The following CCDC7 variants were observed in gnomAD, a reference collection of about 807,000 sequenced individuals.
The protein encoded by CCDC7 is coiled-coil domain containing 7.
In CCDC7, 183 loss-of-function variants were observed where a neutral mutation model predicts 196.9. The ratio of observed to expected loss-of-function variants is 0.93; its 90% confidence interval spans 0.82 to 1.05. The LOEUF is 1.05. Among genes scored for constraint, CCDC7 ranks in the 50% least tolerant of loss-of-function variants. The probability of loss-of-function intolerance (pLI) is 0.00; values close to 1 mark genes in which losing one functional copy is unlikely to be tolerated. For missense variants in CCDC7, 1,540 were observed against 1,482.2 expected, an observed-to-expected ratio of 1.04 and a Z score of -0.64; for synonymous variants, 525 against 484.6, an observed-to-expected ratio of 1.08 and a Z score of -1.10.
At position 32,628,466 on chromosome 10, in the gene CCDC7, T is replaced by C. The variant is rs140160892; in HGVS notation, c.1802-5788T>C. 2.5e-3 allele frequency among the ~76,000 whole-genome samples: 373 copies of C among 152,088 alleles called. 1 individual carries two copies. Among genetic ancestry groups the C allele is most frequent in the African/African-American group, 7.6e-3 (315 of 41,564 alleles). ...TTCAAAGAATCAAGTCTTAGTTTCA[T>C]TGTTCTTTTGTATTGATTTTTAGTC... On this transcript the variant is annotated intron_variant, in intron 18 of 41. Coordinates refer to ENST00000639629, the Ensembl canonical transcript of CCDC7.
At chr10:32,774,859 T>C (rs1308198158) in intron 28 of CCDC7, among the ~76,000 whole-genome samples, 4 of 152,184 alleles carry the variant, frequency 2.6e-5, no homozygotes, top group African/African-American at 4.8e-5. Flanking sequence ...GGTAGATTGA[T>C]GGAGGATGAG....
intron 28 of CCDC7, among the ~76,000 whole-genome samples, chr10:32,737,340 C>G (rs2085032377): frequency 6.6e-6 from 1 of 151,960 alleles, no homozygotes; most frequent in Non-Finnish European, 1.5e-5. Flanking sequence ...CCTTTATCTA[C>G]TTTTGGTATT....
At chr10:32,512,714 C>T (rs911284249) in intron 9 of CCDC7, 1 of 151,942 alleles carries the variant, frequency 6.6e-6, no homozygotes, top group African/African-American at 2.4e-5. Context: ...TGTGCTCATA[C>T]AGTAGAAAAA....
rs531304920 is a variant in CCDC7 at position 32,742,726 on chromosome 10, G to T, written c.2905+13269G>T. Among the ~76,000 whole-genome samples, 18 of 152,214 alleles carry T rather than the reference G, an allele frequency of 1.2e-4. No individual in the cohort carries two copies. The South Asian group carries it at 3.7e-3, about 32-fold the overall frequency. Reference sequence around the variant, plus strand: ...ATCAATGTGCTGACTGGTGAAGAAGGGCTCTCCTTAGTTGTAGATAGCCAC... The same window carrying T: ...ATCAATGTGCTGACTGGTGAAGAAGTGCTCTCCTTAGTTGTAGATAGCCAC... On this transcript the variant is annotated intron_variant, in intron 28 of 41. Coordinates refer to ENST00000639629, the Ensembl canonical transcript of CCDC7.
intron 18 of CCDC7, among the ~76,000 whole-genome samples, chr10:32,596,206 A>G (rs1428051148): frequency 6.6e-6 from 1 of 152,102 alleles, no homozygotes; most frequent in Non-Finnish European, 1.5e-5. Flanking sequence ...TGCTTTATGA[A>G]TCTGGGTGCT....
chr10:32,532,034 A>G (rs1020736383), intron 11 of CCDC7, among the ~76,000 whole-genome samples: 1 of 151,902 alleles, frequency 6.6e-6, no homozygotes, highest in African/African-American at 2.4e-5. Context: ...TCTCAATATC[A>G]TGTATTTCTG....
intron 18 of CCDC7, among the ~76,000 whole-genome samples, chr10:32,607,387 G>A (rs373910419): frequency 2.6e-5 from 4 of 152,190 alleles, no homozygotes; most frequent in East Asian, 1.9e-4. Flanking sequence ...TTGTGAAAGT[G>A]GGCATCGTTG....
rs181556325 is a variant in CCDC7 at position 32,535,756 on chromosome 10, G to A, written c.994-7544G>A. Among the ~76,000 whole-genome samples the A allele has an allele frequency of 4.5e-3, 689 of 152,308 alleles. 8 individuals carry two copies. The highest frequency in any genetic ancestry group is 4.5e-3 in the Non-Finnish European group (307 of 68,026). ...TCTCAGCTAATCTCTTCAAGGTTGG[G>A]AGGAAAGGGGAAAGATATTACGTTA... is the stretch of plus-strand genomic sequence containing the variant. On this transcript the variant is annotated intron_variant, in intron 11 of 41. Transcript: ENST00000639629.
At chr10:32,444,850 G>GTTTTTTT (rs59116319), upstream of CCDC7, among the ~76,000 whole-genome samples, 4 of 140,274 alleles carry the variant, frequency 2.9e-5, no homozygotes, top group Non-Finnish European at 4.7e-5. Flanking sequence ...ATGCCTTCAT[G>GTTTTTTT]TTTTTTTTTT....
At chr10:32,607,549 A>G (rs1421553839) in intron 18 of CCDC7, among the ~76,000 whole-genome samples, 1 of 152,144 alleles carries the variant, frequency 6.6e-6, no homozygotes, top group Non-Finnish European at 1.5e-5. Context: ...ACAATGTTAA[A>G]TTTTATCAAG....
At chr10:32,718,728 A>G (rs1282301627) in intron 25 of CCDC7, among the ~76,000 whole-genome samples, 1 of 152,164 alleles carries the variant, frequency 6.6e-6, no homozygotes, top group Non-Finnish European at 1.5e-5. Flanking sequence ...ATACACCAAT[A>G]ATAGACAAAC....
intron 9 of CCDC7, among the ~76,000 whole-genome samples, chr10:32,507,559 T>A (rs1038430087): frequency 6.6e-6 from 1 of 152,170 alleles, no homozygotes; most frequent in Non-Finnish European, 1.5e-5. Flanking sequence ...CAAGCAATTC[T>A]CCTGCCTTAG....
At chr10:32,723,080 C>A (rs117114146) in intron 25 of CCDC7, among the ~76,000 whole-genome samples, 6,027 of 152,146 alleles carry the variant, frequency 0.04, 127 homozygotes, top group Middle Eastern at 0.051. Flanking sequence ...ACTTCGTAGA[C>A]CCTAGCAGAC....
intron 31 of CCDC7, among the ~76,000 whole-genome samples, chr10:32,817,916 G>T (rs936239251): frequency 2.0e-5 from 3 of 152,186 alleles, no homozygotes; most frequent in Non-Finnish European, 4.4e-5. Context: ...AGGCTAGGAA[G>T]AAACTGCATC....
At chr10:32,676,697 A>G (rs536551697) in intron 21 of CCDC7, among the ~76,000 whole-genome samples, 12 of 152,016 alleles carry the variant, frequency 7.9e-5, no homozygotes, top group African/African-American at 1.9e-4. Context: ...TTAGAATGGC[A>G]ATCATTAAAA....
At chr10:32,453,742 G>C (rs1240399681) in intron 2 of CCDC7, among the ~76,000 whole-genome samples, 1 of 152,166 alleles carries the variant, frequency 6.6e-6, no homozygotes, top group Non-Finnish European at 1.5e-5. Context: ...CTCATACAGA[G>C]CTGGTGGGAA....
At chr10:32,767,952 G>A (rs1172262627) in intron 28 of CCDC7, among the ~76,000 whole-genome samples, 1 of 152,078 alleles carries the variant, frequency 6.6e-6, no homozygotes, top group East Asian at 1.9e-4. Flanking sequence ...AAATTCTGGA[G>A]TTGAGAAATT....
intron 15 of CCDC7, among the ~76,000 whole-genome samples, chr10:32,570,621 C>T (rs1048434397): frequency 6.6e-5 from 10 of 152,132 alleles, no homozygotes; most frequent in African/African-American, 2.2e-4. Context: ...TGTGTGGCTT[C>T]CTGAGCCACA....
exon 17 of CCDC7, chr10:32,583,204 G>A: frequency 8.1e-7 from 1 of 1,231,348 alleles, no homozygotes; most frequent in Admixed American, 4.2e-5. Context: ...GTATCATCCA[G>A]CAAAGAAGTT....
Sources: gnomAD v4.1 joint callset for allele counts (sites outside exome capture counted in the v4.1 genomes callset) on GRCh38, gnomAD v4.1.1 for gene constraint, MANE v1.5 for transcripts, NCBI Gene and HGNC (gene_info 2026-07-23, HGNC 2026-07-21) for gene names.